The following CDH20 variants were observed in gnomAD, a reference collection of about 807,000 sequenced individuals.
The protein encoded by CDH20 is cadherin 20.
Under a neutral mutation model 74.2 loss-of-function variants are expected in CDH20, and 29 were observed. The ratio of observed to expected loss-of-function variants is 0.39; its 90% CI spans 0.29 to 0.53. CDH20 has a LOEUF of 0.53. Among genes scored for constraint, CDH20 ranks in the 20% least tolerant of loss-of-function variants. The pLI is 0.69. For missense variants in CDH20, 988 were observed against 1,048.3 expected, an observed-to-expected ratio of 0.94 and a Z score of 0.79; for synonymous variants, 469 against 405.4, an observed-to-expected ratio of 1.16 and a Z score of -1.88.
At chr18:61,496,579 G>A (rs773214850) in intron 2 of CDH20, among the ~76,000 whole-genome samples, 1 of 152,126 alleles carries the variant, frequency 6.6e-6, no homozygotes, top group African/African-American at 2.4e-5. Context: ...CAGGAGTCAG[G>A]GGCGCCCTGT....
At chr18:61,421,607 C>A (rs984447565) in intron 1 of CDH20, among the ~76,000 whole-genome samples, 6 of 152,044 alleles carry the variant, frequency 3.9e-5, no homozygotes, top group African/African-American at 1.2e-4. Context: ...TAACACGAAT[C>A]AATTATACAT....
intron 1 of CDH20, among the ~76,000 whole-genome samples, chr18:61,465,902 A>T (rs1345551777): frequency 6.6e-6 from 1 of 151,846 alleles, no homozygotes; most frequent in Non-Finnish European, 1.5e-5. Context: ...TAAAAAAAAA[A>T]TTTACAAATT....
Position 61,339,543 on chromosome 18 carries a change from G to A in CDH20, c.-153+5716G>A, listed in dbSNP as rs147506995. On this transcript the variant is annotated intron_variant, in intron 1 of 11. Transcript: ENST00000262717. ...CAGTGTCTACTCTTTCCATCTTTACGTTCATGTATTAAGTGCTGAGTCTTA... is the reference window on the plus strand; with the variant it reads ...CAGTGTCTACTCTTTCCATCTTTACATTCATGTATTAAGTGCTGAGTCTTA... Among the ~76,000 whole-genome samples, 41 of 151,892 alleles carry A rather than the reference G, an allele frequency of 2.7e-4. No homozygotes were observed. The East Asian group carries it at 4.6e-3, about 17-fold the overall frequency.
chr18:61,546,291 A>T (rs916620224), intron 10 of CDH20, among the ~76,000 whole-genome samples: 4 of 152,240 alleles, frequency 2.6e-5, no homozygotes, highest in African/African-American at 9.6e-5. Flanking sequence ...GTATTACTTC[A>T]ACCCCACATG....
intron 1 of CDH20, among the ~76,000 whole-genome samples, chr18:61,480,583 CAT>C (rs1910556053): frequency 6.6e-6 from 1 of 152,180 alleles, no homozygotes; most frequent in African/African-American, 2.4e-5. Context: ...AGGAGGGACT[CAT>C]ATATGCATTT....
intron 1 of CDH20, among the ~76,000 whole-genome samples, chr18:61,432,099 T>A (rs550518326): frequency 1.8e-4 from 27 of 151,734 alleles, no homozygotes; most frequent in Middle Eastern, 3.4e-3. Context: ...ACAAAAAAAA[T>A]TAGCTGGGCA....
At chr18:61,453,760 G>T (rs987790618) in intron 1 of CDH20, among the ~76,000 whole-genome samples, 2 of 152,182 alleles carry the variant, frequency 1.3e-5, no homozygotes, top group African/African-American at 4.8e-5. Flanking sequence ...TAGTAAAGCT[G>T]ATATAAACAT....
chr18:61,495,277 G>A (rs1352509521), intron 2 of CDH20, among the ~76,000 whole-genome samples: 1 of 152,220 alleles, frequency 6.6e-6, no homozygotes, highest in Non-Finnish European at 1.5e-5. Context: ...AGCTGTTAAT[G>A]TCTGTTCTTT....
In CDH20 at chr18:61,539,136, G is replaced by A. The variant is rs1193798662; in HGVS notation, c.1521G>A (p.Lys507=). ...FYEAFVCENA[K]AGQLIQTVSA... Reference sequence around the variant, plus strand: ...AAGCTTTTGTCTGTGAGAACGCCAAGGCAGGACAGGTAAGGTGGCCTGTGG... The same window carrying A: ...AAGCTTTTGTCTGTGAGAACGCCAAAGCAGGACAGGTAAGGTGGCCTGTGG... Residue 507 remains lysine (K), a synonymous_variant, in exon 9 of 12, where the codon AAG becomes AAA. Transcript: ENST00000262717. The A allele has an allele frequency of 7.9e-5, 127 of 1,613,998 alleles. No homozygotes were observed. Among genetic ancestry groups the A allele is most frequent in the Non-Finnish European group, 1.1e-4 (125 of 1,180,038 alleles).
chr18:61,444,249 A>G (rs548928811), intron 1 of CDH20, among the ~76,000 whole-genome samples: 223 of 152,280 alleles, frequency 1.5e-3, no homozygotes, highest in African/African-American at 5.0e-3. Flanking sequence ...GTAGATACTC[A>G]GTAAATGTCA....
chr18:61,401,760 G>C (rs908160662), intron 1 of CDH20, among the ~76,000 whole-genome samples: 1 of 152,048 alleles, frequency 6.6e-6, no homozygotes, highest in Non-Finnish European at 1.5e-5. Context: ...GCATACTTGA[G>C]CAATGTATTT....
chr18:61,426,782 A>G (rs1424303507), intron 1 of CDH20, among the ~76,000 whole-genome samples: 1 of 152,244 alleles, frequency 6.6e-6, no homozygotes, highest in Non-Finnish European at 1.5e-5. Flanking sequence ...TCTTTGCTGC[A>G]GTGCTCCTGG....
At chr18:61,485,732 T>C (rs796560331) in intron 1 of CDH20, among the ~76,000 whole-genome samples, 2 of 152,250 alleles carry the variant, frequency 1.3e-5, no homozygotes, top group Admixed American at 6.5e-5. Flanking sequence ...CTCAATGTCA[T>C]AGTGCTATTC....
At chr18:61,507,862 T>C (rs1185634165) in intron 6 of CDH20, among the ~76,000 whole-genome samples, 2 of 152,208 alleles carry the variant, frequency 1.3e-5, no homozygotes, top group Non-Finnish European at 2.9e-5. Context: ...CTTAACTTTC[T>C]AATGATGTTA....
intron 1 of CDH20, among the ~76,000 whole-genome samples, chr18:61,396,589 G>A (rs1911986765): frequency 1.3e-5 from 2 of 152,134 alleles, no homozygotes; most frequent in African/African-American, 2.4e-5. Flanking sequence ...AGATGACTTG[G>A]CTTTCATCTT....
intron 1 of CDH20, chr18:61,391,536 A>T (rs1435149192): frequency 6.6e-6 from 1 of 152,198 alleles, no homozygotes; most frequent in Non-Finnish European, 1.5e-5. Context: ...CATACAAGGA[A>T]CTATCATAGA....
At chr18:61,538,543 T>A (rs1912886439) in intron 8 of CDH20, among the ~76,000 whole-genome samples, 1 of 150,740 alleles carries the variant, frequency 6.6e-6, no homozygotes, top group African/African-American at 2.4e-5. Flanking sequence ...CTTCATCCTC[T>A]CCTTTCAAAT....
At chr18:61,515,154 T>TCCGTGGG (rs1438048421) in intron 6 of CDH20, among the ~76,000 whole-genome samples, 1 of 152,046 alleles carries the variant, frequency 6.6e-6, no homozygotes, top group Non-Finnish European at 1.5e-5. Flanking sequence ...TCAGCGAGAC[T>TCCGTGGG]CCGTGGGCCT....
At chr18:61,379,758 T>C (rs1911370081) in intron 1 of CDH20, among the ~76,000 whole-genome samples, 1 of 152,176 alleles carries the variant, frequency 6.6e-6, no homozygotes, top group Non-Finnish European at 1.5e-5. Context: ...TGGAGTGTCC[T>C]GATGTAATTT....
Sources: allele counts gnomAD v4.1 joint callset (sites outside exome capture counted in the v4.1 genomes callset), GRCh38; gene constraint gnomAD v4.1.1; transcripts MANE v1.5; gene names NCBI Gene and HGNC (gene_info 2026-07-23, HGNC 2026-07-21).